Variants in ADAMTSL3 observed in about 807,000 individuals in gnomAD.
ADAMTSL3 encodes ADAMTS-like protein 3.
ADAMTSL3 carries 128 observed loss-of-function variants against 201.7 expected under a neutral mutation model. That is an observed-to-expected ratio of 0.63 (90% CI 0.55 to 0.73). ADAMTSL3 has a LOEUF of 0.73. ADAMTSL3 is among the 30% of genes least tolerant of loss of function. The pLI is 0.00. For synonymous variants in ADAMTSL3, 738 were observed against 748.4 expected (o/e 0.99, Z 0.23); for missense variants, 1,990 against 2,119.6 (o/e 0.94, Z 1.20).
intron 15 of ADAMTSL3, among the ~76,000 whole-genome samples, chr15:83,911,313 T>C (rs1332037474): frequency 6.6e-6 from 1 of 152,198 alleles, no homozygotes; most frequent in South Asian, 2.1e-4. Flanking sequence ...TAGGTATATA[T>C]AGATAGTGTA....
chr15:83,823,893 C>CTCTTCTTCTTCTTCTTCTTCT (rs759090787), intron 6 of ADAMTSL3, among the ~76,000 whole-genome samples: 7 of 93,110 alleles, frequency 7.5e-5, no homozygotes, highest in East Asian at 9.4e-4. Flanking sequence ...CTTCTTCTTC[C>CTCTTCTTCTTCTTCTTCTTCT]TCTTCTTCTT....
chr15:83,974,890 T>G (rs943950792), intron 20 of ADAMTSL3, among the ~76,000 whole-genome samples: 1 of 152,006 alleles, frequency 6.6e-6, no homozygotes, highest in Admixed American at 6.6e-5. Flanking sequence ...CCTATTTTAT[T>G]GAAATGTCAA....
At chr15:83,680,497 G>A (rs996886880) in intron 2 of ADAMTSL3, among the ~76,000 whole-genome samples, 2 of 144,158 alleles carry the variant, frequency 1.4e-5, no homozygotes, top group African/African-American at 5.1e-5. Flanking sequence ...TTTTTGATTG[G>A]CACACCTTAG....
chr15:83,839,473 C>T (rs1365372966), intron 7 of ADAMTSL3, among the ~76,000 whole-genome samples: 1 of 152,098 alleles, frequency 6.6e-6, no homozygotes, highest in African/African-American at 2.4e-5. Context: ...AAGTGGAGCC[C>T]TCAAAGCAAT....
chr15:83,812,768 A>G (rs917896160), intron 5 of ADAMTSL3, among the ~76,000 whole-genome samples: 3 of 152,240 alleles, frequency 2.0e-5, no homozygotes, highest in Admixed American at 2.0e-4. Flanking sequence ...TAACTGAAAT[A>G]GTAATAATAA....
chr15:83,777,441 A>G (rs1421704009), intron 4 of ADAMTSL3, among the ~76,000 whole-genome samples: 3 of 152,180 alleles, frequency 2.0e-5, no homozygotes, highest in African/African-American at 7.2e-5. Flanking sequence ...GCCAGAGAAC[A>G]AAGTTGGGGC....
At chr15:83,683,262 T>C (rs889680471) in intron 2 of ADAMTSL3, among the ~76,000 whole-genome samples, 1 of 152,192 alleles carries the variant, frequency 6.6e-6, no homozygotes, top group Non-Finnish European at 1.5e-5. Context: ...GCCAATTGTG[T>C]ATTCAGGCTG....
At chr15:83,772,146 G>T (rs958211476) in intron 3 of ADAMTSL3, among the ~76,000 whole-genome samples, 1 of 152,050 alleles carries the variant, frequency 6.6e-6, no homozygotes, top group Non-Finnish European at 1.5e-5. Context: ...GAGCCACCAC[G>T]CCCGGCCTCC....
At chr15:83,802,735 T>G (rs2063544097) in intron 4 of ADAMTSL3, among the ~76,000 whole-genome samples, 1 of 152,142 alleles carries the variant, frequency 6.6e-6, no homozygotes, top group Non-Finnish European at 1.5e-5. Context: ...AGAGCATTTT[T>G]GGGGTGATGG....
chr15:83,754,608 G>A (rs1016221705), intron 3 of ADAMTSL3, among the ~76,000 whole-genome samples: 7 of 152,116 alleles, frequency 4.6e-5, no homozygotes, highest in South Asian at 2.1e-4. Context: ...GTTCATATGT[G>A]GTAAATAGCA....
At chr15:83,875,301 C>T (rs2065157126) in intron 9 of ADAMTSL3, among the ~76,000 whole-genome samples, 1 of 152,208 alleles carries the variant, frequency 6.6e-6, no homozygotes, top group South Asian at 2.1e-4. Flanking sequence ...CATCATAGGA[C>T]TCCAGTGTCT....
chr15:84,012,253 C>G (rs1164098337), intron 23 of ADAMTSL3, among the ~76,000 whole-genome samples: 1 of 152,078 alleles, frequency 6.6e-6, no homozygotes, highest in Admixed American at 6.6e-5. Context: ...GTATCTAAGG[C>G]CAAGATCAAG....
intron 25 of ADAMTSL3, among the ~76,000 whole-genome samples, chr15:84,018,061 A>G (rs866725044): frequency 1.3e-5 from 2 of 152,262 alleles, no homozygotes; most frequent in Non-Finnish European, 2.9e-5. Flanking sequence ...GGCATGGAAC[A>G]TGAAGATCAA....
At chr15:83,737,408 A>T (rs991573553) in intron 3 of ADAMTSL3, among the ~76,000 whole-genome samples, 15 of 152,140 alleles carry the variant, frequency 9.9e-5, no homozygotes, top group Non-Finnish European at 1.8e-4. Context: ...AGTTTCCCCC[A>T]TGCTGGTCTC....
intron 6 of ADAMTSL3, among the ~76,000 whole-genome samples, chr15:83,834,730 G>T (rs56243362): frequency 0.12 from 18,025 of 152,126 alleles, 1,217 homozygotes; most frequent in South Asian, 0.24. Flanking sequence ...TGTGTAACTT[G>T]TCTCATTAAC....
At chr15:83,982,183 G>A in intron 20 of ADAMTSL3, 90 bp from the exon 21 acceptor site, 1 of 969,996 alleles carries the variant, frequency 1.0e-6, no homozygotes, top group Non-Finnish European at 1.5e-6. Flanking sequence ...TTGTTAGCCT[G>A]TATCAGCCTT....
chr15:84,021,576 C>T lies in ADAMTSL3; in HGVS notation c.4440C>T (p.Ile1480=), dbSNP rs765171074. ...KPLAGFEPCN[I]RDCPARWFTS... Reference sequence around the variant, plus strand: ...TGGCTGGGTTTGAGCCCTGTAACATCCGGGACTGCCCAGCGAGGTAAGTGA... The same window carrying T: ...TGGCTGGGTTTGAGCCCTGTAACATTCGGGACTGCCCAGCGAGGTAAGTGA... The change falls in exon 26 of 30, where the codon ATC becomes ATT. Residue 1480 remains isoleucine, a synonymous_variant. Transcript: ENST00000286744. 5.0e-6 allele frequency: 8 copies of T among 1,614,026 alleles called. No individual in the cohort carries two copies. The Admixed American group carries it at 1.3e-4, about 27-fold the overall frequency.
At chr15:83,713,292 C>T (rs11855815) in intron 3 of ADAMTSL3, among the ~76,000 whole-genome samples, 26,345 of 152,140 alleles carry the variant, frequency 0.17, 2,378 homozygotes, top group South Asian at 0.28. Flanking sequence ...TTATTTTGAC[C>T]GCATTCATCA....
At chr15:83,876,871 C>A (rs1307240012) in intron 9 of ADAMTSL3, among the ~76,000 whole-genome samples, 2 of 152,210 alleles carry the variant, frequency 1.3e-5, no homozygotes. Context: ...CACCTCACTG[C>A]AACCTCCACC....
Sources: gnomAD v4.1 joint callset for allele counts (sites outside exome capture counted in the v4.1 genomes callset) on GRCh38, gnomAD v4.1.1 for gene constraint, MANE v1.5 for transcripts, NCBI Gene and HGNC (gene_info 2026-07-23, HGNC 2026-07-21) for gene names.